NFKB1: variants seen among roughly 807,000 people sequenced by gnomAD.
NFKB1 encodes the protein nuclear factor kappa B subunit 1, also known as nuclear factor NF-kappa-B p105 subunit.
In NFKB1, 9 loss-of-function variants were observed where a neutral mutation model predicts 105.1. The observed-to-expected ratio is 0.09, with a 90% CI of 0.05 to 0.15. The LOEUF is 0.15. Among genes scored for constraint, NFKB1 ranks in the 10% least tolerant of loss-of-function variants. The pLI, the probability that NFKB1 is intolerant of heterozygous loss-of-function variation, is 1.00. For synonymous variants in NFKB1, 440 were observed against 442.2 expected (o/e 1.00, Z 0.06); for missense variants, 830 against 1,203.7 (o/e 0.69, Z 4.59).
intron 5 of NFKB1, among the ~76,000 whole-genome samples, chr4:102,564,575 C>T (rs1003339148): frequency 3.3e-5 from 5 of 152,214 alleles, no homozygotes; most frequent in Admixed American, 3.3e-4. Context: ...TGTTCAGCTC[C>T]TTTACCTCAG....
intron 5 of NFKB1, among the ~76,000 whole-genome samples, chr4:102,549,837 T>C (rs1052266356): frequency 6.6e-6 from 1 of 152,156 alleles, no homozygotes; most frequent in Non-Finnish European, 1.5e-5. Context: ...CATCAGGTAG[T>C]CTTATTGGCT....
At chr4:102,527,447 T>A (rs1740993598) in intron 2 of NFKB1, among the ~76,000 whole-genome samples, 1 of 152,150 alleles carries the variant, frequency 6.6e-6, no homozygotes, top group South Asian at 2.1e-4. Flanking sequence ...ATAGTGGATT[T>A]CTGAAATTAC....
At chr4:102,587,953 G>A (rs2149196792) in intron 11 of NFKB1, among the ~76,000 whole-genome samples, 1 of 152,218 alleles carries the variant, frequency 6.6e-6, no homozygotes, top group African/African-American at 2.4e-5. Context: ...TTTCTCAGAA[G>A]TCATTGAACA....
chr4:102,600,947 C>G lies in NFKB1; in HGVS notation c.1690C>G (p.Leu564Val). Residue 564 changes from leucine to valine, a missense_variant, in exon 16 of 24, where the codon CTA becomes GTA. Physicochemically the swap from Leu to Val is conservative, Grantham distance 32. Transcript: ENST00000226574. ...TCATTCTCAACTTGTGAGGGATCTA[C>G]TAGAAGTCACATCTGGTTTGATTTC... ...HLHSQLVRDL[L>V]EVTSGLISDD... 1 of 1,612,966 alleles carries G rather than the reference C, an allele frequency of 6.2e-7. No homozygotes were observed. Among genetic ancestry groups the G allele is most frequent in the Non-Finnish European group, 8.5e-7 (1 of 1,178,992 alleles).
At chr4:102,510,031 A>G (rs1440560517) in intron 1 of NFKB1, among the ~76,000 whole-genome samples, 1 of 152,080 alleles carries the variant, frequency 6.6e-6, no homozygotes, top group Non-Finnish European at 1.5e-5. Context: ...TCAGTTTCCT[A>G]TCCACAGTTT....
chr4:102,513,149 T>A (rs1267347512), intron 1 of NFKB1, among the ~76,000 whole-genome samples: 1 of 152,122 alleles, frequency 6.6e-6, no homozygotes, highest in Non-Finnish European at 1.5e-5. Context: ...ACGCAAAAGG[T>A]CAGAACAAAG....
chr4:102,571,040 A>G (rs1386665524), intron 6 of NFKB1, among the ~76,000 whole-genome samples: 3 of 152,250 alleles, frequency 2.0e-5, no homozygotes, highest in Non-Finnish European at 4.4e-5. Context: ...ATCCTAAGCC[A>G]AAAGAACAAA....
At chr4:102,508,062 G>A (rs1243302388) in intron 1 of NFKB1, among the ~76,000 whole-genome samples, 1 of 152,068 alleles carries the variant, frequency 6.6e-6, no homozygotes, top group Non-Finnish European at 1.5e-5. Context: ...AACTATTTTT[G>A]GATGTTTTAA....
intron 5 of NFKB1, 58 bp downstream of exon 5, chr4:102,538,014 T>A: frequency 9.2e-7 from 1 of 1,088,166 alleles, no homozygotes; most frequent in Non-Finnish European, 1.4e-6. Flanking sequence ...TTTCCTACGA[T>A]TTCCAAGGAA....
chr4:102,536,144 T>C (rs1027605287), intron 4 of NFKB1, among the ~76,000 whole-genome samples: 2 of 152,190 alleles, frequency 1.3e-5, no homozygotes, highest in African/African-American at 4.8e-5. Flanking sequence ...ATACATGTGT[T>C]GTTTTTTTCA....
At chr4:102,606,776 A>G in intron 17 of NFKB1, 79 bp downstream of exon 17, 3 of 1,446,788 alleles carry the variant, frequency 2.1e-6, no homozygotes, top group Non-Finnish European at 2.8e-6. Flanking sequence ...AACGTGTGTT[A>G]TTTGATTTGC....
In NFKB1 at chr4:102,533,879, T is replaced by C. The variant is rs761203958; in HGVS notation, c.153T>C (p.Pro51=). Residue 51 remains proline (P), a synonymous_variant, in exon 4 of 24, where the codon CCT becomes CCC. Transcript: ENST00000226574. ...CATACCTTCAAATATTAGAGCAACC[T>C]AAACAGGTAAGATTAAAGGGGTGGG... is the stretch of plus-strand genomic sequence containing the variant. ...DGPYLQILEQ[P]KQRGFRFRYV... 12 of 1,612,150 alleles carry C rather than the reference T, an allele frequency of 7.4e-6. No homozygotes were observed. Among genetic ancestry groups the C allele is most frequent in the Non-Finnish European group, 1.0e-5 (12 of 1,179,104 alleles).
At chr4:102,531,087 A>C (rs570993262) in intron 3 of NFKB1, among the ~76,000 whole-genome samples, 1 of 152,156 alleles carries the variant, frequency 6.6e-6, no homozygotes, top group East Asian at 1.9e-4. Flanking sequence ...ATTACTGAAA[A>C]TATAAGAACT....
At chr4:102,590,645 C>G (rs67343621) in intron 11 of NFKB1, among the ~76,000 whole-genome samples, 2,669 of 152,184 alleles carry the variant, frequency 0.018, 39 homozygotes, top group African/African-American at 0.044. Flanking sequence ...GATAAATGTT[C>G]TGTGTGTTCT....
chr4:102,545,250 G>C (rs140699297), intron 5 of NFKB1, among the ~76,000 whole-genome samples: 1 of 152,238 alleles, frequency 6.6e-6, no homozygotes, highest in Non-Finnish European at 1.5e-5. Context: ...CCTCCAGATG[G>C]ATTCCAAATA....
At chr4:102,601,879 T>G (rs1318291689) in intron 16 of NFKB1, among the ~76,000 whole-genome samples, 1 of 152,162 alleles carries the variant, frequency 6.6e-6, no homozygotes, top group Non-Finnish European at 1.5e-5. Flanking sequence ...TCACTGTCTT[T>G]CCCCTACTCC....
intron 11 of NFKB1, among the ~76,000 whole-genome samples, chr4:102,587,063 T>A (rs1328040778): frequency 6.6e-6 from 1 of 152,238 alleles, no homozygotes; most frequent in Non-Finnish European, 1.5e-5. Context: ...ATAACTTTTC[T>A]TTCTTCACAT....
intron 23 of NFKB1, among the ~76,000 whole-genome samples, chr4:102,615,287 G>A (rs1463919413): frequency 1.3e-5 from 2 of 152,190 alleles, no homozygotes; most frequent in Non-Finnish European, 2.9e-5. Context: ...CATTGCTGTG[G>A]AAGCTCTTCC....
intron 1 of NFKB1, among the ~76,000 whole-genome samples, chr4:102,507,153 T>C (rs1739475538): frequency 6.6e-6 from 1 of 151,800 alleles, no homozygotes; most frequent in African/African-American, 2.4e-5. Flanking sequence ...AAAGCCGTCA[T>C]TGTTGAAAAG....
Sources: allele counts gnomAD v4.1 joint callset (sites outside exome capture counted in the v4.1 genomes callset), GRCh38; gene constraint gnomAD v4.1.1; transcripts MANE v1.5; gene names NCBI Gene and HGNC (gene_info 2026-07-23, HGNC 2026-07-21).